Variants in C1orf21 observed in about 807,000 individuals in gnomAD.
C1orf21 encodes the protein chromosome 1 open reading frame 21.
C1orf21 carries 3 observed loss-of-function variants against 18.7 expected under a neutral mutation model. That is an observed-to-expected ratio of 0.16 (90% CI 0.07 to 0.42). C1orf21 has a LOEUF of 0.42. C1orf21 is among the 10% of genes least tolerant of loss of function. C1orf21 has a pLI of 0.99. For synonymous variants in C1orf21, 41 were observed against 46.4 expected, an observed-to-expected ratio of 0.88 and a Z score of 0.47; for missense variants, 104 against 143.6, an observed-to-expected ratio of 0.72 and a Z score of 1.41.
chr1:184,591,534 T>C (rs570582243), intron 4 of C1orf21, among the ~76,000 whole-genome samples: 10 of 152,294 alleles, frequency 6.6e-5, no homozygotes, highest in Admixed American at 1.3e-4. Context: ...AGGTCGGGCA[T>C]GGTGGCTCAC....
At chr1:184,473,986 T>A (rs1406066941) in intron 1 of C1orf21, among the ~76,000 whole-genome samples, 2 of 152,212 alleles carry the variant, frequency 1.3e-5, no homozygotes, top group Non-Finnish European at 2.9e-5. Flanking sequence ...ATTAAATGAA[T>A]GAATAATTGG....
intron 3 of C1orf21, among the ~76,000 whole-genome samples, chr1:184,550,538 G>GTTTT (rs776819679): frequency 6.6e-6 from 1 of 152,030 alleles, no homozygotes; most frequent in African/African-American, 2.4e-5. Flanking sequence ...TTGTTTGTTT[G>GTTTT]TTTGTTTGTT....
chr1:184,547,744 A>G (rs1396378348), intron 3 of C1orf21, among the ~76,000 whole-genome samples: 1 of 152,236 alleles, frequency 6.6e-6, no homozygotes, highest in African/African-American at 2.4e-5. Context: ...TGAAATGAGC[A>G]TATCCCATCC....
intron 1 of C1orf21, among the ~76,000 whole-genome samples, chr1:184,465,597 G>A (rs908175028): frequency 6.6e-6 from 1 of 152,206 alleles, no homozygotes; most frequent in South Asian, 2.1e-4. Context: ...ATGTAATAGA[G>A]GTGATGGGAT....
rs113041437 is a variant in C1orf21 at position 184,496,466 on chromosome 1, A to T, written c.95-11122A>T. On this transcript the variant is annotated intron_variant, in intron 2 of 5. Coordinates refer to ENST00000235307, the MANE Select transcript of C1orf21 (RefSeq NM_030806.4). ...CGGATTTCGGGCACACCTCTCTCAG[A>T]TCCAGTGGGAGCGGTGGAGAGTCAC... 1.2e-3 allele frequency among the ~76,000 whole-genome samples: 187 copies of T among 152,326 alleles called. 2 individuals carry two copies. The highest frequency in any genetic ancestry group is 4.4e-3 in the African/African-American group (185 of 41,578).
At chr1:184,575,982 G>C (rs1429744103) in intron 3 of C1orf21, among the ~76,000 whole-genome samples, 1 of 152,164 alleles carries the variant, frequency 6.6e-6, no homozygotes, top group Non-Finnish European at 1.5e-5. Context: ...AAGGTGACAA[G>C]CAAAAATGGG....
intron 2 of C1orf21, among the ~76,000 whole-genome samples, chr1:184,503,820 C>T (rs960141183): frequency 1.3e-5 from 2 of 152,120 alleles, no homozygotes; most frequent in Non-Finnish European, 2.9e-5. Flanking sequence ...ATAGAACTGA[C>T]TTTTAAATGA....
chr1:184,401,417 C>T (rs567904412), intron 1 of C1orf21, among the ~76,000 whole-genome samples: 15 of 152,140 alleles, frequency 9.9e-5, no homozygotes, highest in South Asian at 6.2e-4. Context: ...GACGGGGTTT[C>T]GCCACGCAGC....
chr1:184,591,674 C>T (rs369953375), intron 4 of C1orf21, among the ~76,000 whole-genome samples: 128 of 152,066 alleles, frequency 8.4e-4, no homozygotes, highest in Middle Eastern at 3.4e-3. Flanking sequence ...GGCATGGTGG[C>T]GGGCTCCTGT....
intron 3 of C1orf21, among the ~76,000 whole-genome samples, chr1:184,578,674 C>T (rs1659228700): frequency 6.6e-6 from 1 of 152,096 alleles, no homozygotes; most frequent in Non-Finnish European, 1.5e-5. Context: ...AAATAAGATA[C>T]TTGACAGAGT....
chr1:184,519,586 T>A (rs1339334939), intron 3 of C1orf21, among the ~76,000 whole-genome samples: 1 of 150,730 alleles, frequency 6.6e-6, no homozygotes, highest in Non-Finnish European at 1.5e-5. Context: ...GCTGGGCCAC[T>A]GTTACTAGAG....
At position 184,600,812 on chromosome 1, in the gene C1orf21, T is replaced by C. The variant is rs1354592279; in HGVS notation, c.327+2351T>C. Reference sequence around the variant, plus strand: ...TTTCTCTCCTCTCTGAGCCATGCTTTCCTGCCTCTCCTCTCTTAAAGCTCA... The same window carrying C: ...TTTCTCTCCTCTCTGAGCCATGCTTCCCTGCCTCTCCTCTCTTAAAGCTCA... On this transcript the variant is annotated intron_variant, in intron 5 of 5. Coordinates refer to ENST00000235307, the MANE Select transcript of C1orf21 (RefSeq NM_030806.4). 2.0e-5 allele frequency among the ~76,000 whole-genome samples: 3 copies of C among 152,244 alleles called. No homozygotes were observed. In the East Asian group the frequency reaches 5.8e-4, roughly 29 times the overall value.
At chr1:184,509,249 T>C (rs1396086612) in intron 3 of C1orf21, among the ~76,000 whole-genome samples, 1 of 152,226 alleles carries the variant, frequency 6.6e-6, no homozygotes, top group Non-Finnish European at 1.5e-5. Context: ...TATAACTTTT[T>C]TCCTTCTCTC....
chr1:184,505,403 C>G (rs1219086562), intron 2 of C1orf21, among the ~76,000 whole-genome samples: 1 of 141,182 alleles, frequency 7.1e-6, no homozygotes, highest in South Asian at 2.2e-4. Flanking sequence ...TATCAGTGTT[C>G]TGTGTATTTA....
At chr1:184,560,567 A>G (rs1239248505) in intron 3 of C1orf21, among the ~76,000 whole-genome samples, 1 of 152,166 alleles carries the variant, frequency 6.6e-6, no homozygotes, top group Non-Finnish European at 1.5e-5. Flanking sequence ...CCTTTCTTGT[A>G]AAACCTAATT....
chr1:184,565,464 A>AG (rs973287651), intron 3 of C1orf21, among the ~76,000 whole-genome samples: 7 of 152,360 alleles, frequency 4.6e-5, no homozygotes, highest in African/African-American at 1.7e-4. Flanking sequence ...CCACCTTCAG[A>AG]GCCCTGGTTC....
chr1:184,523,623 G>A (rs1195388870), intron 3 of C1orf21, among the ~76,000 whole-genome samples: 1 of 152,160 alleles, frequency 6.6e-6, no homozygotes, highest in East Asian at 1.9e-4. Flanking sequence ...TTGATTAATT[G>A]TGACAAGTGT....
intron 3 of C1orf21, among the ~76,000 whole-genome samples, chr1:184,562,556 G>A (rs1571278812): frequency 6.6e-6 from 1 of 152,310 alleles, no homozygotes; most frequent in Admixed American, 6.5e-5. Context: ...CACCCCATAC[G>A]GGAGAAGCAA....
chr1:184,465,677 C>A (rs1657383570), intron 1 of C1orf21, among the ~76,000 whole-genome samples: 1 of 152,126 alleles, frequency 6.6e-6, no homozygotes, highest in Non-Finnish European at 1.5e-5. Flanking sequence ...AATGTAACCA[C>A]CACAGCTGGG....
Sources: gnomAD v4.1 joint callset for allele counts (sites outside exome capture counted in the v4.1 genomes callset) on GRCh38, gnomAD v4.1.1 for gene constraint, MANE v1.5 for transcripts, NCBI Gene and HGNC (gene_info 2026-07-23, HGNC 2026-07-21) for gene names.